Variants in MEFV observed in about 807,000 individuals in gnomAD.
MEFV encodes the protein pyrin.
Under a neutral mutation model 62.5 loss-of-function variants are expected in MEFV, and 60 were observed. That is an observed-to-expected ratio of 0.96 (90% CI 0.78 to 1.19). The LOEUF is 1.19. Ranked by LOEUF, MEFV falls within the 50% of genes most tolerant of loss-of-function variation. MEFV has a pLI of 0.00. For synonymous variants in MEFV, 500 were observed against 415.2 expected, an observed-to-expected ratio of 1.20 and a Z score of -2.48; for missense variants, 1,169 against 1,004.5, an observed-to-expected ratio of 1.16 and a Z score of -2.21.
At chr16:3,253,811 C>A (rs955632693) in intron 2 of MEFV, among the ~76,000 whole-genome samples, 1 of 152,098 alleles carries the variant, frequency 6.6e-6, no homozygotes, top group Non-Finnish European at 1.5e-5. Flanking sequence ...GGACTACAGG[C>A]GCGTGCCACT....
intron 2 of MEFV, 124 bp downstream of exon 2, chr16:3,254,034 T>A: frequency 9.3e-7 from 1 of 1,075,284 alleles, no homozygotes; most frequent in Non-Finnish European, 1.4e-6. Flanking sequence ...TCTCAAAGTC[T>A]TGGCCTCCAG....
intron 2 of MEFV, among the ~76,000 whole-genome samples, chr16:3,251,131 T>A (rs928411706): frequency 2.3e-4 from 35 of 151,490 alleles, no homozygotes; most frequent in Non-Finnish European, 4.4e-4. Context: ...CATCTGTAAA[T>A]GAGACTGCTA....
intron 1 of MEFV, 135 bp from the exon 2 acceptor site, chr16:3,254,925 T>C: frequency 2.1e-6 from 3 of 1,431,364 alleles, no homozygotes; most frequent in Non-Finnish European, 2.9e-6. Flanking sequence ...GCGCGGTGGC[T>C]CATGCCTGTA....
rs775020273 is a variant in MEFV at position 3,254,240 on chromosome 16, T to G, written c.828A>C (p.Glu276Asp). 3.8e-5 allele frequency: 62 copies of G among 1,614,078 alleles called. No homozygotes were observed. Among genetic ancestry groups the G allele is most frequent in the Non-Finnish European group, 4.5e-5 (53 of 1,180,038 alleles). The change falls in exon 2 of 10, where the codon GAA (glutamate) becomes GAC (aspartate). Residue 276 changes from glutamate (E) to aspartate (D), a missense_variant. Glu to Asp is a conservative substitution (Grantham distance 45). Transcript: ENST00000219596. Reference protein sequence around the residue: ...KTAANLDSATEPRARPTPDGG... With the variant: ...KTAANLDSATDPRARPTPDGG... ...CATCCGGAGTGGGCCTTGCCCGGGG[T>G]TCTGTTGCCGAGTCCAGATTCGCAG... is the stretch of plus-strand genomic sequence containing the variant.
At chr16:3,248,811 G>C in intron 4 of MEFV, 98 bp downstream of exon 4, 1 of 1,602,474 alleles carries the variant, frequency 6.2e-7, no homozygotes, top group Non-Finnish European at 8.5e-7. Context: ...GGCCATCCCT[G>C]CTGCCCTGTG....
intron 1 of MEFV, 109 bp downstream of exon 1, chr16:3,256,202 A>C (rs1959112848): frequency 1.5e-6 from 2 of 1,303,896 alleles, no homozygotes; most frequent in South Asian, 2.5e-5. Context: ...GGTAGACCTG[A>C]GACTCCCAAT....
At position 3,249,002 on chromosome 16, in the gene MEFV, C is replaced by A; in HGVS notation, c.1263G>T (p.Lys421Asn). ...PIEEVALEHK[K>N]KIQKQLEHLK... Reference sequence around the variant, plus strand: ...GATGCTCCAGCTGCTTCTGAATTTTCTTCTGGAAAAACAGCACTTGTTGAA... The same window carrying A: ...GATGCTCCAGCTGCTTCTGAATTTTATTCTGGAAAAACAGCACTTGTTGAA... The change falls in exon 4 of 10, where the codon AAG (lysine) becomes AAT (asparagine). Residue 421 changes from lysine to asparagine, a missense_variant and splice_region_variant. By Grantham distance (94) the Lys-to-Asn change is moderately conservative. Coordinates refer to ENST00000219596, the MANE Select transcript of MEFV (RefSeq NM_000243.3). 3 of 1,614,132 alleles carry A rather than the reference C, an allele frequency of 1.9e-6. No individual in the cohort carries two copies. Among genetic ancestry groups the A allele is most frequent in the Non-Finnish European group, 2.5e-6 (3 of 1,180,000 alleles).
At chr16:3,245,269 T>C (rs1430811673) in intron 6 of MEFV, among the ~76,000 whole-genome samples, 7 of 139,520 alleles carry the variant, frequency 5.0e-5, no homozygotes, top group Non-Finnish European at 1.1e-4. Flanking sequence ...GCCTTAGTGA[T>C]GGGAGTGAGA....
At chr16:3,255,954 C>T (rs1959109653) in intron 1 of MEFV, among the ~76,000 whole-genome samples, 1 of 151,900 alleles carries the variant, frequency 6.6e-6, no homozygotes, top group Admixed American at 6.6e-5. Flanking sequence ...ATACCAACCC[C>T]GTTCATATGA....
At position 3,243,080 on chromosome 16, in the gene MEFV, T is replaced by G; in HGVS notation, c.*61A>C. The G allele has an allele frequency of 6.4e-7, 1 of 1,567,944 alleles. No individual in the cohort carries two copies. Among genetic ancestry groups the G allele is most frequent in the Non-Finnish European group, 8.8e-7 (1 of 1,140,310 alleles). On this transcript the variant is annotated 3_prime_UTR_variant, in exon 10 of 10. Coordinates refer to ENST00000219596, the MANE Select transcript of MEFV (RefSeq NM_000243.3). ...TAGCACCTAGTCGGCATTCCGTGAC[T>G]ATTGAGTGTGAATGCAAGATACAAG... is the stretch of plus-strand genomic sequence containing the variant.
chr16:3,242,795 G>C lies in MEFV; in HGVS notation c.*346C>G, dbSNP rs1352169991. On this transcript the variant is annotated 3_prime_UTR_variant, in exon 10 of 10. Transcript: ENST00000219596. ...TCAAGACAGAAGCAGAGAGAACAAG[G>C]GGACATATATCCTTGCCGTGGGGTT... 2 of 382,322 alleles carry C rather than the reference G, an allele frequency of 5.2e-6. No homozygotes were observed. Among genetic ancestry groups the C allele is most frequent in the Non-Finnish European group, 1.0e-5 (2 of 200,658 alleles). The allele number at this position is 382,322 out of a possible 1,614,324, so 23.7% of individuals were successfully genotyped here.
Position 3,243,271 on chromosome 16 carries a change from T to C in MEFV, c.2216A>G (p.His739Arg), listed in dbSNP as rs1277277711. ...ISFYNVTARS[H>R]IYTFASCSFS... ...AGAGCAGCTGGCGAATGTATAGATG[T>C]GGGATCTGGCTGTCACATTGTAAAA... The change falls in exon 10 of 10, where the codon CAC becomes CGC. Residue 739 changes from histidine to arginine, a missense_variant. Physicochemically the swap from His to Arg is conservative, Grantham distance 29. Coordinates refer to ENST00000219596, the MANE Select transcript of MEFV (RefSeq NM_000243.3). 1.2e-6 allele frequency: 2 copies of C among 1,614,184 alleles called. No individual in the cohort carries two copies. Among genetic ancestry groups the C allele is most frequent in the Non-Finnish European group, 1.7e-6 (2 of 1,180,036 alleles).
intron 2 of MEFV, among the ~76,000 whole-genome samples, chr16:3,251,369 T>A (rs991225964): frequency 5.3e-5 from 8 of 152,200 alleles, no homozygotes; most frequent in Non-Finnish European, 1.0e-4. Flanking sequence ...TATTCCCCTC[T>A]GTTCCTCCAT....
intron 4 of MEFV, chr16:3,247,506 T>C: frequency 1.9e-6 from 1 of 529,878 alleles, no homozygotes; most frequent in South Asian, 2.1e-5. Context: ...ATTTACACGT[T>C]GAAGCCCTAA....
rs769605806 is a variant in MEFV at position 3,256,532 on chromosome 16, T to A, written c.56A>T (p.Tyr19Phe). ...CTTGAACTTGAACTTCTCGAAGTCA[T>A]AGGGCACCAGCTCCTCCAGGGTGGA... is the stretch of plus-strand genomic sequence containing the variant. ...LLSTLEELVP[Y>F]DFEKFKFKLQ... is the part of the protein sequence containing the mutation. Residue 19 changes from tyrosine to phenylalanine, a missense_variant, in exon 1 of 10, where the codon TAT (tyrosine) becomes TTT (phenylalanine). Physicochemically the swap from Tyr to Phe is conservative, Grantham distance 22. Coordinates refer to ENST00000219596, the MANE Select transcript of MEFV (RefSeq NM_000243.3). 1 of 1,614,054 alleles carries A rather than the reference T, an allele frequency of 6.2e-7. No homozygotes were observed. Among genetic ancestry groups the A allele is most frequent in the African/African-American group, 1.3e-5 (1 of 74,912 alleles).
At position 3,249,655 on chromosome 16, in the gene MEFV, C is replaced by A. The variant is rs779923486; in HGVS notation, c.1036G>T (p.Gly346Cys). Residue 346 changes from glycine (G) to cysteine (C), a missense_variant, in exon 3 of 10, where the codon GGC (glycine) becomes TGC (cysteine). Gly to Cys is a radical substitution (Grantham distance 159). Transcript: ENST00000219596. ...EAVSGHPQAS[G>C]SRSPGCPRCQ... ...CGGGGGCAGCCAGGTGAGCGGCTGC[C>A]TGAGGCCTGGGGGTGCCCAGAAACT... 5.0e-6 allele frequency: 8 copies of A among 1,613,584 alleles called. No homozygotes were observed. Among genetic ancestry groups the A allele is most frequent in the Non-Finnish European group, 6.8e-6 (8 of 1,179,698 alleles).
intron 1 of MEFV, 115 bp downstream of exon 1, chr16:3,256,196 G>T: frequency 7.9e-7 from 1 of 1,261,744 alleles, no homozygotes; most frequent in Non-Finnish European, 1.1e-6. Flanking sequence ...GATTTTGGTA[G>T]ACCTGAGACT....
chr16:3,254,721 C>G lies in MEFV; in HGVS notation c.347G>C (p.Arg116Thr), dbSNP rs1355616582. 6.2e-7 allele frequency: 1 copy of G among 1,612,904 alleles called. No individual in the cohort carries two copies. Among genetic ancestry groups the G allele is most frequent in the East Asian group, 2.2e-5 (1 of 44,880 alleles). The change falls in exon 2 of 10, where the codon AGG (arginine) becomes ACG (threonine). Residue 116 changes from arginine to threonine, a missense_variant. By Grantham distance (71) the Arg-to-Thr change is moderately conservative (BLOSUM62 -1). Transcript: ENST00000219596. ...GGGGTGGTCTGGAGTCTTCAGGCTC[C>G]TGGGCTTGTTCTCCCCCAGGGAGCT... ...ASSSLGENKP[R>T]SLKTPDHPEG...
intron 6 of MEFV, 123 bp downstream of exon 6, chr16:3,246,402 G>A (rs774763479): frequency 1.4e-5 from 15 of 1,088,472 alleles, no homozygotes; most frequent in Non-Finnish European, 2.1e-5. Context: ...CAGAAAAAAG[G>A]AGGAGTCTGG....
Sources: allele counts gnomAD v4.1 joint callset (sites outside exome capture counted in the v4.1 genomes callset), GRCh38; gene constraint gnomAD v4.1.1; transcripts MANE v1.5; gene names NCBI Gene and HGNC (gene_info 2026-07-23, HGNC 2026-07-21).